Variants in HSD17B11 observed in about 807,000 individuals in gnomAD.
The protein encoded by HSD17B11 is hydroxysteroid 17-beta dehydrogenase 11, also known as estradiol 17-beta-dehydrogenase 11.
In HSD17B11, 22 loss-of-function variants were observed where a neutral mutation model predicts 27.8. That is an observed-to-expected ratio of 0.79 (90% confidence interval 0.56 to 1.13). The LOEUF is 1.13. Among genes scored for constraint, HSD17B11 ranks in the 50% most tolerant of loss-of-function variants. The pLI is 0.00. For missense variants in HSD17B11, 314 were observed against 351.1 expected, an observed-to-expected ratio of 0.89 and a Z score of 0.84; for synonymous variants, 117 against 132.8, an observed-to-expected ratio of 0.88 and a Z score of 0.82.
At chr4:87,368,260 C>T (rs1219183548) in intron 4 of HSD17B11, among the ~76,000 whole-genome samples, 8 of 152,056 alleles carry the variant, frequency 5.3e-5, no homozygotes, top group South Asian at 2.1e-4. Context: ...GAGTTTGCAG[C>T]GAGCTGAGAT....
chr4:87,337,630 G>T (rs1560756261), intron 6 of HSD17B11, among the ~76,000 whole-genome samples: 1 of 152,152 alleles, frequency 6.6e-6, no homozygotes, highest in East Asian at 1.9e-4. Flanking sequence ...GGGAGGAGGT[G>T]TAAGAACTGA....
At chr4:87,389,138 C>T (rs1720390663) in intron 1 of HSD17B11, among the ~76,000 whole-genome samples, 1 of 152,202 alleles carries the variant, frequency 6.6e-6, no homozygotes. Context: ...CCATGCCAGA[C>T]CTTGACCATG....
chr4:87,390,923 T>C lies in HSD17B11; in HGVS notation c.148A>G (p.Arg50Gly), dbSNP rs572445011. 3.1e-6 allele frequency: 5 copies of C among 1,614,126 alleles called. No homozygotes were observed. The Admixed American group carries it at 5.0e-5, about 16-fold the overall frequency. Residue 50 changes from arginine to glycine, a missense_variant, in exon 1 of 7, where the codon AGA becomes GGA. Transcript: ENST00000358290. ...LITGAGHGIG[R>G]LTAYEFAKLK... ...TTAGCAAATTCATAGGCAGTCAGTC[T>C]CCCAATTCCATGCCCAGCTCCTGTA... is the stretch of plus-strand genomic sequence containing the variant.
In HSD17B11 at chr4:87,337,312, A is replaced by C; in HGVS notation, c.867T>G (p.Phe289Leu). The C allele has an allele frequency of 1.2e-6, 2 of 1,607,712 alleles. No homozygotes were observed. The highest frequency in any genetic ancestry group is 1.7e-6 in the Non-Finnish European group (2 of 1,175,274). The change falls in exon 7 of 7, where the codon TTT becomes TTG. Residue 289 changes from phenylalanine to leucine, a missense_variant. Physicochemically the swap from Phe to Leu is conservative, Grantham distance 22. Coordinates refer to ENST00000358290, the MANE Select transcript of HSD17B11 (RefSeq NM_016245.5). ...AVLKRKISVK[F>L]DAVIGYKMKA... ...TCATTTTATATCCAATAACTGCATCAAACTTAACACTGATTTTTCGTTTTA... is the reference window on the plus strand; with the variant it reads ...TCATTTTATATCCAATAACTGCATCCAACTTAACACTGATTTTTCGTTTTA...
intron 1 of HSD17B11, among the ~76,000 whole-genome samples, chr4:87,389,487 G>C (rs1176440147): frequency 6.6e-6 from 1 of 152,196 alleles, no homozygotes. Flanking sequence ...GCCTCCAAAA[G>C]TGCTGGGATT....
In HSD17B11 at chr4:87,364,546, T is replaced by C. The variant is rs139448812; in HGVS notation, c.558-7130A>G. Among the ~76,000 whole-genome samples the C allele has an allele frequency of 2.0e-3, 299 of 152,248 alleles. 1 individual carries two copies. The highest frequency in any genetic ancestry group is 6.9e-3 in the African/African-American group (287 of 41,556). ...TCTGCACACTTGGATCAGAGAAGCA[T>C]GCTCTAGGCCACCTGGAAGATAAGG... On this transcript the variant is annotated intron_variant, in intron 4 of 6. Coordinates refer to ENST00000358290, the MANE Select transcript of HSD17B11 (RefSeq NM_016245.5).
rs558864313 is a variant in HSD17B11, at chr4:87,360,882, G to A, written c.558-3466C>T. Among the ~76,000 whole-genome samples the A allele has an allele frequency of 5.6e-4, 86 of 152,222 alleles. 1 individual carries two copies. Among genetic ancestry groups the A allele is most frequent in the Non-Finnish European group, 1.1e-3 (72 of 68,014 alleles). On this transcript the variant is annotated intron_variant, in intron 4 of 6. Transcript: ENST00000358290. Reference sequence around the variant, plus strand: ...GGTATCCCACGCAGAAATAGAAAACGATGTTGCACATAATATTTATTAACA... The same window carrying A: ...GGTATCCCACGCAGAAATAGAAAACAATGTTGCACATAATATTTATTAACA...
At position 87,352,916 on chromosome 4, in the gene HSD17B11, G is replaced by A. The variant is rs1406438644; in HGVS notation, c.695+4363C>T. Among the ~76,000 whole-genome samples the A allele has an allele frequency of 5.1e-4, 45 of 87,754 alleles. 7 individuals carry two copies. Among genetic ancestry groups the A allele is most frequent in the African/African-American group, 3.8e-4 (6 of 15,750 alleles). 57.6% of individuals were successfully genotyped at this position (87,754 alleles called of 152,430 possible). A position where few individuals can be genotyped will look rare whatever the true frequency, so the allele number is the denominator to read the frequency against. On this transcript the variant is annotated intron_variant, in intron 5 of 6. Coordinates refer to ENST00000358290, the MANE Select transcript of HSD17B11 (RefSeq NM_016245.5). Reference sequence around the variant, plus strand: ...CGTCCGTCACCCCTTTCTTTGACTCGGAAAGGGAACTCCCTGACCCCTTGC... The same window carrying A: ...CGTCCGTCACCCCTTTCTTTGACTCAGAAAGGGAACTCCCTGACCCCTTGC...
At chr4:87,378,951 TATATATA>T (rs1720048724) in intron 2 of HSD17B11, among the ~76,000 whole-genome samples, 2 of 29,600 alleles carry the variant, frequency 6.8e-5, no homozygotes, top group African/African-American at 5.0e-4. Context: ...TATATATTTA[TATATATA>T]TATTTTTTTT....
rs774653796 is a variant in HSD17B11 at position 87,337,359 on chromosome 4, G to A, written c.820C>T (p.Pro274Ser). 4 of 1,565,258 alleles carry A rather than the reference G, an allele frequency of 2.6e-6. No homozygotes were observed. Among genetic ancestry groups the A allele is most frequent in the South Asian group, 2.2e-5 (2 of 88,926 alleles). ...TTTAAAACTGCCAGGAAACGCTCAGGAAGGATCCTAAAAGAAAGATATATG... is the reference window on the plus strand; with the variant it reads ...TTTAAAACTGCCAGGAAACGCTCAGAAAGGATCCTAAAAGAAAGATATATG... ...AFLTTLERILPERFLAVLKRK... is the reference protein window; with the variant it reads ...AFLTTLERILSERFLAVLKRK... Residue 274 changes from proline (P) to serine (S), a missense_variant, in exon 7 of 7, where the codon CCT (proline) becomes TCT (serine). Transcript: ENST00000358290.
Position 87,382,214 on chromosome 4 carries a change from G to C in HSD17B11, c.318+41C>G, listed in dbSNP as rs771233079. ...TGGGTCATCTCCAAAACACCTCCTA[G>C]CTCTAACATGATATGATTCTAACTA... On this transcript the variant is annotated intron_variant, in intron 2 of 6. Coordinates refer to ENST00000358290, the MANE Select transcript of HSD17B11 (RefSeq NM_016245.5). The C allele has an allele frequency of 2.1e-6, 3 of 1,442,726 alleles. No individual in the cohort carries two copies. The African/African-American group carries it at 4.2e-5, about 20-fold the overall frequency. The allele number at this position is 1,442,726 out of a possible 1,614,324, so 89.4% of individuals were successfully genotyped here.
intron 2 of HSD17B11, among the ~76,000 whole-genome samples, chr4:87,378,855 T>TTTTTTTTTTTTTTTTG (rs1720009349): frequency 2.4e-5 from 1 of 41,692 alleles, no homozygotes; most frequent in African/African-American, 9.0e-5. Flanking sequence ...AATATATATA[T>TTTTTTTTTTTTTTTTG]AAATATATAT....
chr4:87,356,028 G>A (rs1380002816), intron 5 of HSD17B11, among the ~76,000 whole-genome samples: 1 of 152,194 alleles, frequency 6.6e-6, no homozygotes, highest in Non-Finnish European at 1.5e-5. Flanking sequence ...AAAATCATAT[G>A]CGAACATGAA....
intron 5 of HSD17B11, among the ~76,000 whole-genome samples, chr4:87,355,957 T>C (rs1389069758): frequency 5.3e-5 from 8 of 151,848 alleles, no homozygotes; most frequent in Admixed American, 2.6e-4. Context: ...TAGAGCTCAA[T>C]AGCAAAAAGT....
chr4:87,370,384 C>T (rs1021607409), intron 4 of HSD17B11, among the ~76,000 whole-genome samples: 5 of 152,036 alleles, frequency 3.3e-5, no homozygotes, highest in Non-Finnish European at 5.9e-5. Flanking sequence ...TGATTTAAAT[C>T]TTATAGCATT....
chr4:87,344,818 G>T (rs1047132341), intron 5 of HSD17B11, among the ~76,000 whole-genome samples: 2 of 152,140 alleles, frequency 1.3e-5, no homozygotes, highest in African/African-American at 4.8e-5. Flanking sequence ...CTACAATGGA[G>T]TAAAATCAGA....
intron 4 of HSD17B11, among the ~76,000 whole-genome samples, chr4:87,365,750 T>TAA (rs55897268): frequency 1.1e-4 from 17 of 150,610 alleles, no homozygotes; most frequent in South Asian, 2.1e-4. Context: ...TGTTTTTGGT[T>TAA]AAAAAAAAAA....
intron 2 of HSD17B11, among the ~76,000 whole-genome samples, chr4:87,378,906 A>ATATATATATTTATATATATATATATTTT (rs1720030226): frequency 1.1e-4 from 1 of 8,796 alleles, no homozygotes; most frequent in Non-Finnish European, 1.7e-4. Flanking sequence ...ATATATATAA[A>ATATATATATTTATATATATATATATTTT]TATATATATA....
At chr4:87,341,490 T>C (rs1480093770) in intron 5 of HSD17B11, among the ~76,000 whole-genome samples, 1 of 152,186 alleles carries the variant, frequency 6.6e-6, no homozygotes, top group Non-Finnish European at 1.5e-5. Flanking sequence ...TGTTACTTAG[T>C]TCCATGTTAC....
Sources: allele counts gnomAD v4.1 joint callset (sites outside exome capture counted in the v4.1 genomes callset), GRCh38; gene constraint gnomAD v4.1.1; transcripts MANE v1.5; gene names NCBI Gene and HGNC (gene_info 2026-07-23, HGNC 2026-07-21).